Variants in KIF1A observed in about 807,000 individuals in gnomAD.
KIF1A encodes kinesin-like protein KIF1A.
KIF1A carries 46 observed loss-of-function variants against 227.3 expected under a neutral mutation model. The observed-to-expected ratio is 0.20, with a 90% CI of 0.16 to 0.26. KIF1A has a LOEUF of 0.26. KIF1A is among the 10% of genes least tolerant of loss of function. The pLI is 1.00. For synonymous variants in KIF1A, 1,022 were observed against 1,012.8 expected (o/e 1.01, Z -0.17); for missense variants, 1,683 against 2,485.9 (o/e 0.68, Z 6.87).
intron 1 of KIF1A, among the ~76,000 whole-genome samples, chr2:240,805,765 T>C (rs1239231224): frequency 1.3e-5 from 2 of 152,188 alleles, no homozygotes; most frequent in Non-Finnish European, 2.9e-5. Context: ...CAAAGACCTG[T>C]ATAAAATGAA....
At chr2:240,767,148 C>G (rs1054704006) in intron 18 of KIF1A, 118 bp downstream of exon 18, 5 of 1,125,352 alleles carry the variant, frequency 4.4e-6, no homozygotes, top group African/African-American at 3.1e-5. Flanking sequence ...TCAGTGGGGT[C>G]GCTGGGGAAG....
chr2:240,805,530 A>G (rs1276824845), intron 1 of KIF1A, among the ~76,000 whole-genome samples: 1 of 152,250 alleles, frequency 6.6e-6, no homozygotes, highest in Non-Finnish European at 1.5e-5. Flanking sequence ...ATATGGAGGA[A>G]TTCATTAATT....
intron 13 of KIF1A, among the ~76,000 whole-genome samples, 176 bp downstream of exon 13, chr2:240,772,938 G>A (rs981495075): frequency 9.2e-5 from 14 of 152,204 alleles, no homozygotes; most frequent in Admixed American, 3.9e-4. Flanking sequence ...GCCCAGGAAC[G>A]TGGAGCAGGG....
intron 1 of KIF1A, among the ~76,000 whole-genome samples, chr2:240,819,696 C>A (rs933070470): frequency 6.6e-6 from 1 of 151,874 alleles, no homozygotes; most frequent in Non-Finnish European, 1.5e-5. Context: ...CTCCCCTCCC[C>A]CGCCGTCTGG....
chr2:240,784,134 C>T (rs1300191626), intron 7 of KIF1A, among the ~76,000 whole-genome samples: 1 of 152,238 alleles, frequency 6.6e-6, no homozygotes, highest in Non-Finnish European at 1.5e-5. Context: ...GTGCGACTGT[C>T]ACTGTCCCCA....
rs571632997 is a variant in KIF1A, at chr2:240,762,828, C to T, written c.2023-16G>A. On this transcript the variant is annotated splice_polypyrimidine_tract_variant and intron_variant, in intron 22 of 48. Transcript: ENST00000498729. ...TCTCATAGTCCTGCAGAAAGCAAGG[C>T]CTGTGACTCCACTACGGCCCTACCT... The T allele has an allele frequency of 3.8e-6, 6 of 1,570,566 alleles. No homozygotes were observed. In the African/African-American group the frequency reaches 6.7e-5, roughly 18 times the overall value.
At position 240,741,266 on chromosome 2, in the gene KIF1A, C is replaced by T. The variant is rs2047931880; in HGVS notation, c.3749+3G>A. On this transcript the variant is annotated splice_donor_region_variant and intron_variant, in intron 35 of 48. Coordinates refer to ENST00000498729, the MANE Select transcript of KIF1A (RefSeq NM_001244008.2). The stretch of plus-strand genomic sequence containing the variant: ...CCCTGGGGGCCCCAGCACCAGCACT[C>T]ACTCGCCGTTGGCCTCCAGCTCACA... 2 of 1,578,614 alleles carry T rather than the reference C, an allele frequency of 1.3e-6. No homozygotes were observed. The highest frequency in any genetic ancestry group is 1.7e-6 in the Non-Finnish European group (2 of 1,165,230).
rs922998380 is a variant in KIF1A, at chr2:240,715,979, A to G, written c.*1385T>C. 2.6e-5 allele frequency: 4 copies of G among 151,460 alleles called. No homozygotes were observed. The highest frequency in any genetic ancestry group is 5.9e-5 in the Non-Finnish European group (4 of 67,858). The allele number at this position is 151,460 out of a possible 1,614,324, so 9.4% of individuals were successfully genotyped here. ...GGGTGTGGGTGGGGAGGGCCCTAAA[A>G]CCTCCCTAGGCCTCTGGACATGACT... On this transcript the variant is annotated 3_prime_UTR_variant, in exon 49 of 49. Transcript: ENST00000498729.
Position 240,773,238 on chromosome 2 carries a change from C to T in KIF1A, c.1056G>A (p.Lys352=). Residue 352 remains lysine (K), a synonymous_variant, in exon 13 of 49, where the codon AAG becomes AAA. Transcript: ENST00000498729. ...TGATGACAGCATTGCAGCGGATCTGCTTGGCCCGGTCAGCATACCTGGGTG... is the reference window on the plus strand; with the variant it reads ...TGATGACAGCATTGCAGCGGATCTGTTTGGCCCGGTCAGCATACCTGGGTG... ...LSTLRYADRA[K]QIRCNAVINE... 1 of 1,613,910 alleles carries T rather than the reference C, an allele frequency of 6.2e-7. No individual in the cohort carries two copies. Among genetic ancestry groups the T allele is most frequent in the Non-Finnish European group, 8.5e-7 (1 of 1,179,846 alleles).
At position 240,762,718 on chromosome 2, in the gene KIF1A, C is replaced by T; in HGVS notation, c.2116+1G>A. On this transcript the variant is annotated splice_donor_variant, in intron 23 of 48. Coordinates refer to ENST00000498729, the MANE Select transcript of KIF1A (RefSeq NM_001244008.2). LOFTEE classifies it high-confidence loss of function. ...CAGGTGCTGGCCCAGTGACCCCTCA[C>T]CTTCATCCTCGGGCTCCTCCTCCTC... 1 of 1,587,944 alleles carries T rather than the reference C, an allele frequency of 6.3e-7. No individual in the cohort carries two copies. Among genetic ancestry groups the T allele is most frequent in the Non-Finnish European group, 8.6e-7 (1 of 1,161,248 alleles).
At chr2:240,751,607 T>A (rs958311017) in intron 27 of KIF1A, among the ~76,000 whole-genome samples, 3 of 151,858 alleles carry the variant, frequency 2.0e-5, no homozygotes, top group Non-Finnish European at 4.4e-5. Context: ...GAAGCCCCCC[T>A]CAACTGTCCC....
intron 33 of KIF1A, 67 bp downstream of exon 33, chr2:240,743,875 G>T: frequency 9.2e-7 from 1 of 1,082,096 alleles, no homozygotes. Context: ...CAAGACAGCT[G>T]GATGAAAAGA....
At chr2:240,720,857 T>C (rs1307697800) in intron 45 of KIF1A, 57 bp downstream of exon 45, 17 of 1,490,934 alleles carry the variant, frequency 1.1e-5, no homozygotes, top group Non-Finnish European at 1.4e-5. Flanking sequence ...GTCACGGCCA[T>C]GGTCATGGGT....
chr2:240,789,400 T>A lies in KIF1A; in HGVS notation c.107-88A>T. 8.8e-7 allele frequency: 1 copy of A among 1,137,164 alleles called. No individual in the cohort carries two copies. Among genetic ancestry groups the A allele is most frequent in the Non-Finnish European group, 1.3e-6 (1 of 753,932 alleles). The allele number at this position is 1,137,164 out of a possible 1,614,324, so 70.4% of individuals were successfully genotyped here. ...ACACTCCAAGGTGGGGAGATGGTCT[T>A]AAGAGGCCTCGGGCCCCAGACAAGC... On this transcript the variant is annotated intron_variant, in intron 2 of 48. Coordinates refer to ENST00000498729, the MANE Select transcript of KIF1A (RefSeq NM_001244008.2). The surrounding 1 kb of genome is among the most constrained non-coding windows in gnomAD (Gnocchi z 4.8).
At chr2:240,741,874 T>C (rs1048123755) in intron 34 of KIF1A, among the ~76,000 whole-genome samples, 4 of 152,174 alleles carry the variant, frequency 2.6e-5, no homozygotes, top group African/African-American at 9.7e-5. Context: ...TCCACTCGTG[T>C]CCAGCTCCTG....
chr2:240,798,600 C>G (rs2056657254), intron 1 of KIF1A, among the ~76,000 whole-genome samples: 1 of 152,156 alleles, frequency 6.6e-6, no homozygotes, highest in Admixed American at 6.5e-5. Context: ...GTCAGGAACC[C>G]CAAAATGATT....
intron 14 of KIF1A, 41 bp downstream of exon 14, chr2:240,772,529 C>T (rs1426874828): frequency 6.5e-7 from 1 of 1,534,656 alleles, no homozygotes; most frequent in South Asian, 1.2e-5. Context: ...CTGGCTGGGG[C>T]TGGAAGCAGA....
At chr2:240,761,173 G>C in intron 24 of KIF1A, 56 bp downstream of exon 24, 1 of 1,550,130 alleles carries the variant, frequency 6.5e-7, no homozygotes, top group African/African-American at 1.4e-5. Flanking sequence ...TCCCCGTCAT[G>C]AGTGAGGTGA....
Position 240,740,349 on chromosome 2 carries a change from C to A in KIF1A, c.3765G>T (p.Val1255=), listed in dbSNP as rs765454599. 6.2e-7 allele frequency: 1 copy of A among 1,613,520 alleles called. No homozygotes were observed. The highest frequency in any genetic ancestry group is 8.5e-7 in the Non-Finnish European group (1 of 1,179,764). The change falls in exon 36 of 49, where the codon GTG becomes GTT. Residue 1255 remains valine (V), a synonymous_variant. Coordinates refer to ENST00000498729, the MANE Select transcript of KIF1A (RefSeq NM_001244008.2). The surrounding 1 kb of genome is among the most constrained non-coding windows in gnomAD (Gnocchi z 6.1). Reference sequence around the variant, plus strand: ...ATGGCATGCCCCCACGGTGGTCCACCACGGCCGGGATGTAACTGGAAGAGA... The same window carrying A: ...ATGGCATGCCCCCACGGTGGTCCACAACGGCCGGGATGTAACTGGAAGAGA... ...LEANGDYIPA[V]VDHRGGMPCM... is the part of the protein sequence containing the mutation.
Sources: gnomAD v4.1 joint callset for allele counts (sites outside exome capture counted in the v4.1 genomes callset) on GRCh38, gnomAD v4.1.1 for gene constraint, Gnocchi (gnomAD v3.1) non-coding constraint, MANE v1.5 for transcripts, NCBI Gene and HGNC (gene_info 2026-07-23, HGNC 2026-07-21) for gene names.